DEPDC4: variants seen among roughly 807,000 people sequenced by gnomAD.
DEPDC4 encodes the protein DEP domain containing 4, also known as DEP domain-containing protein 4.
In DEPDC4, 52 loss-of-function variants were observed where a neutral mutation model predicts 52.0. That is an observed-to-expected ratio of 1.00 (90% CI 0.80 to 1.26). The LOEUF is 1.26. Ranked by LOEUF, DEPDC4 falls within the 50% of genes most tolerant of loss-of-function variation. The pLI, the probability that DEPDC4 is intolerant of heterozygous loss-of-function variation, is 0.00. For missense variants in DEPDC4, 530 were observed against 546.9 expected (o/e 0.97, Z 0.31); for synonymous variants, 201 against 196.8 (o/e 1.02, Z -0.18).
chr12:100,238,504 A>C (rs1237324837), downstream of DEPDC4, among the ~76,000 whole-genome samples: 1 of 124,076 alleles, frequency 8.1e-6, no homozygotes, highest in Non-Finnish European at 1.7e-5. Flanking sequence ...CATCTAGCTT[A>C]GTGCTTTTTT....
chr12:100,267,395 A>T (rs1225581800), upstream of DEPDC4: 1 of 243,378 alleles, frequency 4.1e-6, no homozygotes, highest in Admixed American at 5.6e-5. Flanking sequence ...AAGAAGGAAG[A>T]GGTAAGTGAC....
intron 8 of DEPDC4, among the ~76,000 whole-genome samples, chr12:100,245,518 C>T (rs186174299): frequency 1.3e-5 from 2 of 152,260 alleles, no homozygotes; most frequent in East Asian, 1.9e-4. Context: ...CTGCCTGCTG[C>T]GGCCTCCCAG....
the DEPDC4 span, among the ~76,000 whole-genome samples, chr12:100,280,437 C>T: frequency 3.3e-5 from 5 of 152,148 alleles, no homozygotes; most frequent in African/African-American, 1.2e-4. Context: ...AGATTAGGAA[C>T]TGCTACCTTA....
chr12:100,262,857 A>T (rs757481204), intron 2 of DEPDC4, among the ~76,000 whole-genome samples: 13 of 152,228 alleles, frequency 8.5e-5, no homozygotes, highest in Non-Finnish European at 1.8e-4. Flanking sequence ...AGGAAAACAA[A>T]ATGTTGTAAA....
intron 3 of DEPDC4, 77 bp from the exon 4 acceptor site, chr12:100,256,303 T>C: frequency 9.3e-7 from 1 of 1,074,252 alleles, no homozygotes; most frequent in Non-Finnish European, 1.3e-6. Flanking sequence ...TAAATCGTTC[T>C]ATTTCTAAAT....
chr12:100,262,359 T>C lies in DEPDC4; in HGVS notation c.605A>G (p.Glu202Gly). 6.2e-7 allele frequency: 1 copy of C among 1,613,424 alleles called. No individual in the cohort carries two copies. Among genetic ancestry groups the C allele is most frequent in the Non-Finnish European group, 8.5e-7 (1 of 1,179,792 alleles). The change falls in exon 3 of 10, where the codon GAA (glutamate) becomes GGA (glycine). Residue 202 changes from glutamate to glycine, a missense_variant. Physicochemically the swap from Glu to Gly is moderately conservative, Grantham distance 98. Transcript: ENST00000550587. ...SNPLAQEIGE[E>G]RIEELIHTIN... ...TGTATGAATAAGTTCCTCAATTCTTTCCTCACCAATCTCCTGTGCTAGAGG... is the reference window on the plus strand; with the variant it reads ...TGTATGAATAAGTTCCTCAATTCTTCCCTCACCAATCTCCTGTGCTAGAGG...
chr12:100,259,077 A>ATATATATATATATATATATAT, intron 3 of DEPDC4, among the ~76,000 whole-genome samples: 1 of 129,342 alleles, frequency 7.7e-6, no homozygotes, highest in Non-Finnish European at 1.7e-5. Flanking sequence ...TCTCAAAAAA[A>ATATATATATATATATATATAT]AAAAATATAT....
intron 4 of DEPDC4, among the ~76,000 whole-genome samples, chr12:100,254,595 G>A (rs1218192338): frequency 6.6e-6 from 1 of 152,124 alleles, no homozygotes; most frequent in African/African-American, 2.4e-5. Flanking sequence ...CCAAAGTGCT[G>A]GGATTATAGG....
upstream of DEPDC4, among the ~76,000 whole-genome samples, chr12:100,269,375 A>G (rs1014813827): frequency 9.2e-5 from 14 of 152,044 alleles, no homozygotes; most frequent in Non-Finnish European, 2.1e-4. Context: ...ACTTCAGGGA[A>G]GACTTTCCTG....
chr12:100,263,842 G>A lies in DEPDC4; in HGVS notation c.209C>T (p.Ser70Phe). The A allele has an allele frequency of 6.2e-7, 1 of 1,614,046 alleles. No individual in the cohort carries two copies. Among genetic ancestry groups the A allele is most frequent in the Admixed American group, 1.7e-5 (1 of 60,002 alleles). ...TTTTATTTCCACTTGGGCCTGAAGA[G>A]AGTGAATAATACCATCCCATAGCTG... ...ATQLWDGIIH[S>F]LQAQVEIKRR... Residue 70 changes from serine (S) to phenylalanine (F), a missense_variant, in exon 2 of 10, where the codon TCT becomes TTT. Ser to Phe is a radical substitution (Grantham distance 155). Transcript: ENST00000550587.
Position 100,261,947 on chromosome 12 carries a change from A to G in DEPDC4, c.700+317T>C, listed in dbSNP as rs146716154. 1.9e-3 allele frequency among the ~76,000 whole-genome samples: 296 copies of G among 152,384 alleles called. 1 individual carries two copies. Among genetic ancestry groups the G allele is most frequent in the African/African-American group, 6.7e-3 (279 of 41,592 alleles). On this transcript the variant is annotated intron_variant, in intron 3 of 9. Transcript: ENST00000550587. ...CACTGAAACTATTCTGTATGATACT[A>G]TAATGACAGATAATATGTCATCAAA... is the stretch of plus-strand genomic sequence containing the variant.
intron 8 of DEPDC4, among the ~76,000 whole-genome samples, chr12:100,244,479 C>T (rs926679759): frequency 2.6e-5 from 4 of 151,658 alleles, no homozygotes; most frequent in African/African-American, 9.7e-5. Context: ...CAGCATCCGG[C>T]CTATTTTATG....
chr12:100,276,943 A>G, the DEPDC4 span, among the ~76,000 whole-genome samples: 3 of 151,764 alleles, frequency 2.0e-5, no homozygotes, highest in Admixed American at 2.0e-4. Context: ...TTTCATTTTC[A>G]TTTTCATTCT....
At chr12:100,250,145 C>T (rs2096201767) in intron 7 of DEPDC4, among the ~76,000 whole-genome samples, 1 of 152,156 alleles carries the variant, frequency 6.6e-6, no homozygotes, top group Non-Finnish European at 1.5e-5. Flanking sequence ...TCCTGATTTC[C>T]ATATCCCCAC....
At chr12:100,255,048 A>G (rs761940412) in intron 4 of DEPDC4, among the ~76,000 whole-genome samples, 1 of 152,174 alleles carries the variant, frequency 6.6e-6, no homozygotes, top group Non-Finnish European at 1.5e-5. Context: ...TTCTCCTGAC[A>G]GATGAACAGT....
intron 4 of DEPDC4, among the ~76,000 whole-genome samples, chr12:100,254,773 G>A (rs76894027): frequency 0.014 from 2,156 of 151,958 alleles, 17 homozygotes; most frequent in Non-Finnish European, 0.021. Flanking sequence ...CCTAGCTAGA[G>A]TGCAGTGACA....
At chr12:100,242,096 T>C (rs2096161729) in intron 9 of DEPDC4, among the ~76,000 whole-genome samples, 1 of 152,154 alleles carries the variant, frequency 6.6e-6, no homozygotes. Context: ...TCAAGAGAAA[T>C]ACATAAAAAA....
Position 100,266,967 on chromosome 12 carries a change from G to C in DEPDC4, c.110C>G (p.Pro37Arg). The change falls in exon 1 of 10, where the codon CCA becomes CGA. Residue 37 changes from proline to arginine, a missense_variant. Pro to Arg is a moderately radical substitution (Grantham distance 103, BLOSUM62 -2). Transcript: ENST00000550587. ...NELPGPGLNG[P>R]SSRNRRDGFC... ...GCCATCTCTACGGTTCCTGGAACTT[G>C]GCCCGTTCAGCCCTGGGCCCGGAAG... 6.2e-7 allele frequency: 1 copy of C among 1,613,974 alleles called. No homozygotes were observed.
At chr12:100,279,025 T>G in the DEPDC4 span, among the ~76,000 whole-genome samples, 2 of 152,206 alleles carry the variant, frequency 1.3e-5, no homozygotes, top group African/African-American at 4.8e-5. Context: ...TTTCAGCTAT[T>G]TGGTATATCT....
Sources: gnomAD v4.1 joint callset for allele counts (sites outside exome capture counted in the v4.1 genomes callset) on GRCh38, gnomAD v4.1.1 for gene constraint, MANE v1.5 for transcripts, NCBI Gene and HGNC (gene_info 2026-07-23, HGNC 2026-07-21) for gene names.